The following CHRNA5 variants were observed in gnomAD, a reference collection of about 807,000 sequenced individuals.
The protein encoded by CHRNA5 is neuronal acetylcholine receptor subunit alpha-5.
In CHRNA5, 28 loss-of-function variants were observed where a neutral mutation model predicts 41.2. The observed-to-expected ratio is 0.68, with a 90% CI of 0.50 to 0.93. The LOEUF (loss-of-function observed/expected upper bound fraction) is 0.93, where lower values mean the gene tolerates loss of function less well. Among genes scored for constraint, CHRNA5 ranks in the 40% least tolerant of loss-of-function variants. The pLI is 0.00. For synonymous variants in CHRNA5, 188 were observed against 205.8 expected (o/e 0.91, Z 0.74); for missense variants, 481 against 581.9 (o/e 0.83, Z 1.78).
rs2052977315 is a variant in CHRNA5 at position 78,588,069 on chromosome 15, C to G, written c.304-245C>G. Among the ~76,000 whole-genome samples the G allele has an allele frequency of 6.6e-6, 1 of 152,102 alleles. No homozygotes were observed. The highest frequency in any genetic ancestry group is 2.4e-5 in the African/African-American group (1 of 41,392). Reference sequence around the variant, plus strand: ...AGTCAGTTGATGGGAGAAGAGTTGCCGAGCAGAGCCATGAACACATCTAGC... The same window carrying G: ...AGTCAGTTGATGGGAGAAGAGTTGCGGAGCAGAGCCATGAACACATCTAGC... On this transcript the variant is annotated intron_variant, in intron 3 of 5. Coordinates refer to ENST00000299565, the Ensembl canonical transcript of CHRNA5. The surrounding 1 kb of genome is among the most constrained non-coding windows in gnomAD (Gnocchi z 4.1).
At chr15:78,573,941 C>G (rs1444484876) in intron 1 of CHRNA5, among the ~76,000 whole-genome samples, 1 of 146,188 alleles carries the variant, frequency 6.8e-6, no homozygotes, top group African/African-American at 2.5e-5. Context: ...GGACTACAGG[C>G]GTGCACCACC....
chr15:78,570,476 G>C (rs1404558203), intron 1 of CHRNA5, among the ~76,000 whole-genome samples: 2 of 126,256 alleles, frequency 1.6e-5, no homozygotes, highest in Non-Finnish European at 3.1e-5. Context: ...CACCATGTTG[G>C]CCAGGCTGGT....
At chr15:78,593,512 G>T in exon 6 of CHRNA5, 2 of 254,148 alleles carry the variant, frequency 7.9e-6, no homozygotes, top group Non-Finnish European at 1.5e-5. Flanking sequence ...TCTAGTATTT[G>T]TATCCTGGCA....
At chr15:78,569,974 C>A (rs1198770968) in intron 1 of CHRNA5, among the ~76,000 whole-genome samples, 1 of 151,778 alleles carries the variant, frequency 6.6e-6, no homozygotes, top group East Asian at 1.9e-4. Context: ...CATGTGCCAC[C>A]ATGCCTGGCT....
At chr15:78,583,253 T>C (rs1333162326) in intron 2 of CHRNA5, among the ~76,000 whole-genome samples, 1 of 152,054 alleles carries the variant, frequency 6.6e-6, no homozygotes, top group East Asian at 1.9e-4. Flanking sequence ...GTAATGTACA[T>C]GGTTTTGAGG....
intron 2 of CHRNA5, among the ~76,000 whole-genome samples, chr15:78,582,709 C>T (rs143040439): frequency 1.9e-3 from 296 of 152,124 alleles, no homozygotes; most frequent in African/African-American, 6.7e-3. Flanking sequence ...AGGGTTTCAA[C>T]GTGGCAGAGA....
At position 78,565,839 on chromosome 15, in the gene CHRNA5, G is replaced by A; in HGVS notation, c.106+14G>A. ...GCGCGCAGAGAGGTAAGCCCGGGCT[G>A]CAGAGGGGCGGGGCGGGAGCTGGCC... On this transcript the variant is annotated intron_variant, in intron 1 of 5. Transcript: ENST00000299565. 1 of 1,215,308 alleles carries A rather than the reference G, an allele frequency of 8.2e-7. No individual in the cohort carries two copies. Among genetic ancestry groups the A allele is most frequent in the Non-Finnish European group, 1.0e-6 (1 of 975,306 alleles). 75.3% of individuals were successfully genotyped at this position (1,215,308 alleles called of 1,614,324 possible).
intron 5 of CHRNA5, 58 bp from the exon 6 acceptor site, chr15:78,593,034 C>A: frequency 6.4e-7 from 1 of 1,571,122 alleles, no homozygotes; most frequent in South Asian, 1.2e-5. Flanking sequence ...TTTGTTATAT[C>A]TTAAAATATG....
chr15:78,569,710 G>A (rs916695159), intron 1 of CHRNA5, among the ~76,000 whole-genome samples: 11 of 152,082 alleles, frequency 7.2e-5, no homozygotes, highest in Admixed American at 6.5e-4. Context: ...TGGGATTACA[G>A]GTGTGAGCCA....
At chr15:78,574,955 C>T (rs1242904480) in intron 1 of CHRNA5, among the ~76,000 whole-genome samples, 1 of 144,868 alleles carries the variant, frequency 6.9e-6, no homozygotes, top group Non-Finnish European at 1.5e-5. Context: ...CTTGGGCGAC[C>T]AAGTGAGACC....
intron 1 of CHRNA5, among the ~76,000 whole-genome samples, chr15:78,573,199 A>T: frequency 6.6e-6 from 1 of 152,170 alleles, no homozygotes; most frequent in Non-Finnish European, 1.5e-5. Flanking sequence ...GATGCCGCTA[A>T]ACATACAGGG....
chr15:78,582,346 C>T (rs1044175655), intron 2 of CHRNA5, among the ~76,000 whole-genome samples: 9 of 151,744 alleles, frequency 5.9e-5, no homozygotes, highest in Admixed American at 2.0e-4. Flanking sequence ...ATTAGCTGGG[C>T]GGTGGTCCGT....
rs1302710722 is a variant in CHRNA5, at chr15:78,590,644, A to T, written c.1245+8A>T. Reference sequence around the variant, plus strand: ...GAAAATGATGTCCGTGAGGTCTGTGATGTGTATTTACAAATGCAGATCTTC... The same window carrying T: ...GAAAATGATGTCCGTGAGGTCTGTGTTGTGTATTTACAAATGCAGATCTTC... On this transcript the variant is annotated splice_region_variant and intron_variant, in intron 5 of 5. Coordinates refer to ENST00000299565, the Ensembl canonical transcript of CHRNA5. 3 of 1,590,852 alleles carry T rather than the reference A, an allele frequency of 1.9e-6. No homozygotes were observed. Among genetic ancestry groups the T allele is most frequent in the Non-Finnish European group, 2.6e-6 (3 of 1,167,626 alleles).
chr15:78,589,820 T>C, exon 5 of CHRNA5: 1 of 1,581,962 alleles, frequency 6.3e-7, no homozygotes, highest in Non-Finnish European at 8.6e-7. Context: ...ATGGACGTTT[T>C]GAAGGGACCA....
Position 78,571,831 on chromosome 15 carries a change from A to G in CHRNA5, c.106+6006A>G, listed in dbSNP as rs544156716. 2.0e-5 allele frequency among the ~76,000 whole-genome samples: 3 copies of G among 152,166 alleles called. No homozygotes were observed. The South Asian group carries it at 6.2e-4, about 31-fold the overall frequency. ...AAAATCCCTCTATATTTTATCTGTA[A>G]TACTTAAAATAATGATTGGTAAGCA... On this transcript the variant is annotated intron_variant, in intron 1 of 5. Transcript: ENST00000299565.
At chr15:78,565,607 C>G (rs1222234991) in exon 1 of CHRNA5, 2 of 248,052 alleles carry the variant, frequency 8.1e-6, no homozygotes, top group Non-Finnish European at 1.4e-5. Context: ...TCTGCTGCGT[C>G]TGCCCTCGTT....
exon 3 of CHRNA5, chr15:78,586,683 G>C: frequency 6.2e-7 from 1 of 1,603,806 alleles, no homozygotes; most frequent in East Asian, 2.2e-5. Flanking sequence ...ACGTCTGGTT[G>C]AAACAGGTAT....
intron 1 of CHRNA5, among the ~76,000 whole-genome samples, chr15:78,569,432 ATTTT>A (rs202079097): frequency 2.2e-5 from 3 of 137,372 alleles, no homozygotes; most frequent in Admixed American, 7.4e-5. Flanking sequence ...AAATATTGGA[ATTTT>A]TTTTTTTTTT....
chr15:78,570,449 TA>T lies in CHRNA5; in HGVS notation c.106+4625del, dbSNP rs1369905418. ...ATTTTTTTTTTTTTTTTTTTTTTTTTAGTAAAGACAGGGTTTCACCATGTTG... is the reference window on the plus strand; with the variant it reads ...ATTTTTTTTTTTTTTTTTTTTTTTTTGTAAAGACAGGGTTTCACCATGTTG... On this transcript the variant is annotated intron_variant, in intron 1 of 5. Transcript: ENST00000299565. Among the ~76,000 whole-genome samples, 202 of 142,044 alleles carry T rather than the reference TA, an allele frequency of 1.4e-3. 5 individuals carry two copies. The highest frequency in any genetic ancestry group is 3.6e-3 in the Middle Eastern group (1 of 278). 93.2% of individuals were successfully genotyped at this position (142,044 alleles called of 152,430 possible). A position where few individuals can be genotyped will look rare whatever the true frequency, so the allele number is the denominator to read the frequency against.
Sources: gnomAD v4.1 joint callset for allele counts (sites outside exome capture counted in the v4.1 genomes callset) on GRCh38, gnomAD v4.1.1 for gene constraint, Gnocchi (gnomAD v3.1) non-coding constraint, MANE v1.5 for transcripts, NCBI Gene and HGNC (gene_info 2026-07-23, HGNC 2026-07-21) for gene names.